The following PIBF1 variants were observed in gnomAD, a reference collection of about 807,000 sequenced individuals.
The protein encoded by PIBF1 is progesterone immunomodulatory binding factor 1.
In PIBF1, 90 loss-of-function variants were observed where a neutral mutation model predicts 112.5. The observed-to-expected ratio is 0.80, with a 90% CI of 0.67 to 0.95. PIBF1 has a LOEUF of 0.95. PIBF1 is among the 40% of genes least tolerant of loss of function. The pLI is 0.00. For missense variants in PIBF1, 915 were observed against 852.3 expected, an observed-to-expected ratio of 1.07 and a Z score of -0.92; for synonymous variants, 301 against 288.6, an observed-to-expected ratio of 1.04 and a Z score of -0.44.
chr13:72,825,926 G>T (rs1043607591), intron 6 of PIBF1, among the ~76,000 whole-genome samples: 2 of 150,606 alleles, frequency 1.3e-5, no homozygotes, highest in Admixed American at 6.6e-5. Flanking sequence ...ATTAAATTAG[G>T]CACATGGTGG....
intron 17 of PIBF1, among the ~76,000 whole-genome samples, chr13:73,003,079 A>C (rs780723109): frequency 6.9e-5 from 10 of 144,978 alleles, no homozygotes; most frequent in Admixed American, 1.4e-4. Context: ...GAAGTGTCTG[A>C]TTTTTGGTGA....
At chr13:72,881,231 A>G (rs1032530187) in intron 10 of PIBF1, 3 of 152,008 alleles carry the variant, frequency 2.0e-5, no homozygotes, top group African/African-American at 7.3e-5. Flanking sequence ...AGGATCTTCT[A>G]TTTGGAAAAC....
At chr13:72,904,433 C>CTTTTTTTTTTTGTTTTTTTTTTTTT (rs2040612198) in intron 11 of PIBF1, among the ~76,000 whole-genome samples, 1 of 36,558 alleles carries the variant, frequency 2.7e-5, no homozygotes, top group Non-Finnish European at 4.6e-5. Flanking sequence ...CAAAATATTT[C>CTTTTTTTTTTTGTTTTTTTTTTTTT]TTTTTTTTTT....
intron 10 of PIBF1, among the ~76,000 whole-genome samples, chr13:72,878,696 A>G (rs1333160388): frequency 6.6e-6 from 1 of 152,120 alleles, no homozygotes; most frequent in African/African-American, 2.4e-5. Context: ...TGCCTACTGG[A>G]TATGTCCATT....
intron 17 of PIBF1, among the ~76,000 whole-genome samples, chr13:73,010,810 C>CTTTTCTTTTTT (rs2044174717): frequency 2.5e-5 from 1 of 40,282 alleles, no homozygotes; most frequent in African/African-American, 9.6e-5. Flanking sequence ...ATTAACTTTT[C>CTTTTCTTTTTT]TTTTTTTTTT....
At chr13:72,809,516 A>G (rs907891648) in intron 5 of PIBF1, among the ~76,000 whole-genome samples, 3 of 151,572 alleles carry the variant, frequency 2.0e-5, no homozygotes, top group Admixed American at 1.3e-4. Flanking sequence ...ACAATTACAC[A>G]GTTAATTTGA....
intron 16 of PIBF1, 54 bp from the exon 17 acceptor site, chr13:72,998,768 G>A: frequency 8.4e-7 from 1 of 1,197,442 alleles, no homozygotes; most frequent in South Asian, 1.3e-5. Context: ...ATCATTATTA[G>A]TCTGCTTGCT....
intron 10 of PIBF1, among the ~76,000 whole-genome samples, chr13:72,884,239 G>A (rs146466478): frequency 2.0e-5 from 3 of 152,146 alleles, no homozygotes; most frequent in Non-Finnish European, 2.9e-5. Flanking sequence ...CCTTTCCTTC[G>A]TATTGGTCTC....
At chr13:72,825,575 A>T (rs937306460) in intron 6 of PIBF1, among the ~76,000 whole-genome samples, 1 of 152,210 alleles carries the variant, frequency 6.6e-6, no homozygotes, top group Non-Finnish European at 1.5e-5. Flanking sequence ...CAACTGCAGG[A>T]CTTCAGCATG....
intron 16 of PIBF1, among the ~76,000 whole-genome samples, chr13:72,992,148 G>T (rs1261480072): frequency 6.6e-6 from 1 of 152,076 alleles, no homozygotes; most frequent in Non-Finnish European, 1.5e-5. Context: ...AGCTACAGTC[G>T]CATCACTGCA....
At chr13:72,828,442 AC>A (rs1468452513) in intron 8 of PIBF1, among the ~76,000 whole-genome samples, 1 of 151,784 alleles carries the variant, frequency 6.6e-6, no homozygotes, top group African/African-American at 2.4e-5. Flanking sequence ...CCACTCCCCG[AC>A]AGGCGCCGGT....
At chr13:72,793,580 T>C (rs2035042969) in intron 3 of PIBF1, among the ~76,000 whole-genome samples, 1 of 152,242 alleles carries the variant, frequency 6.6e-6, no homozygotes, top group Non-Finnish European at 1.5e-5. Context: ...ATAGGTCTTC[T>C]ATGCTAATTC....
intron 9 of PIBF1, among the ~76,000 whole-genome samples, chr13:72,842,024 A>G (rs905075739): frequency 3.3e-5 from 5 of 152,174 alleles, no homozygotes; most frequent in African/African-American, 9.6e-5. Context: ...AATACAAAAT[A>G]TATATTCTTA....
intron 5 of PIBF1, among the ~76,000 whole-genome samples, chr13:72,815,180 A>C (rs994386012): frequency 6.6e-6 from 1 of 152,234 alleles, no homozygotes; most frequent in African/African-American, 2.4e-5. Flanking sequence ...CAGATGTAAA[A>C]ATTTGAAATA....
chr13:72,820,116 C>T (rs191426405), intron 5 of PIBF1, among the ~76,000 whole-genome samples: 6 of 152,086 alleles, frequency 3.9e-5, no homozygotes, highest in East Asian at 1.9e-4. Flanking sequence ...GCATTTACTA[C>T]GTTAGACATT....
At chr13:72,841,101 A>C (rs1200644343) in intron 9 of PIBF1, among the ~76,000 whole-genome samples, 1 of 152,188 alleles carries the variant, frequency 6.6e-6, no homozygotes, top group Admixed American at 6.5e-5. Flanking sequence ...GAGAACTTGG[A>C]TATTTAGATA....
chr13:72,838,210 T>C (rs952433523), intron 9 of PIBF1, among the ~76,000 whole-genome samples: 2 of 152,224 alleles, frequency 1.3e-5, no homozygotes, highest in Non-Finnish European at 2.9e-5. Context: ...TCATAGGTAG[T>C]GGTGACCTTT....
chr13:72,956,100 T>G (rs1413050296), intron 14 of PIBF1, among the ~76,000 whole-genome samples: 1 of 152,170 alleles, frequency 6.6e-6, no homozygotes, highest in Non-Finnish European at 1.5e-5. Context: ...TGAAAAATTC[T>G]TGTGGAAATC....
At chr13:72,865,542 T>C (rs2038889824) in intron 10 of PIBF1, among the ~76,000 whole-genome samples, 1 of 152,256 alleles carries the variant, frequency 6.6e-6, no homozygotes, top group African/African-American at 2.4e-5. Context: ...TTTTTGTTAC[T>C]ATAATTTTTA....
Sources: allele counts gnomAD v4.1 joint callset (sites outside exome capture counted in the v4.1 genomes callset), GRCh38; gene constraint gnomAD v4.1.1; transcripts MANE v1.5; gene names NCBI Gene and HGNC (gene_info 2026-07-23, HGNC 2026-07-21).